The following FERMT3 variants were observed in gnomAD, a reference collection of about 807,000 sequenced individuals.
FERMT3 encodes FERM domain containing kindlin 3, also known as fermitin family homolog 3.
Under a neutral mutation model 80.8 loss-of-function variants are expected in FERMT3, and 33 were observed. That is an observed-to-expected ratio of 0.41 (90% CI 0.31 to 0.55). FERMT3 has a LOEUF of 0.55. FERMT3 is among the 20% of genes least tolerant of loss of function. The pLI is 0.31. For missense variants in FERMT3, 754 were observed against 908.7 expected (o/e 0.83, Z 2.19); for synonymous variants, 375 against 372.2 (o/e 1.01, Z -0.09).
At chr11:64,207,833 T>C (rs1399962899) in intron 2 of FERMT3, 2 of 290,080 alleles carry the variant, frequency 6.9e-6, no homozygotes, top group Non-Finnish European at 6.6e-6. Flanking sequence ...GTCACATTGC[T>C]GAGGTCTGAG....
chr11:64,209,233 A>G (rs1171602850), intron 2 of FERMT3, among the ~76,000 whole-genome samples: 2 of 152,192 alleles, frequency 1.3e-5, no homozygotes, highest in Non-Finnish European at 2.9e-5. Flanking sequence ...AGCCGAGACC[A>G]GGAGTCATGG....
chr11:64,211,149 G>C lies in FERMT3; in HGVS notation c.492G>C (p.Leu164Phe), dbSNP rs997016435. The change falls in exon 4 of 15, where the codon TTG becomes TTC. Residue 164 changes from leucine (L) to phenylalanine (F), a missense_variant. By Grantham distance (22) the Leu-to-Phe change is conservative (BLOSUM62 0). Transcript: ENST00000345728. The surrounding 1 kb of genome is among the most constrained non-coding windows in gnomAD (Gnocchi z 4.7). ...AGCCAGAGGAAGAGCTCTATGACTT[G>C]AGCAAGGTTGTCTTGGCTGGGGGTG... is the stretch of plus-strand genomic sequence containing the variant. ...EKEPEEELYDLSKVVLAGGVA... is the reference protein window; with the variant it reads ...EKEPEEELYDFSKVVLAGGVA... 1.3e-6 allele frequency: 2 copies of C among 1,539,132 alleles called. No homozygotes were observed. Among genetic ancestry groups the C allele is most frequent in the South Asian group, 1.2e-5 (1 of 83,872 alleles).
At position 64,211,803 on chromosome 11, in the gene FERMT3, G is replaced by A. The variant is rs988926452; in HGVS notation, c.786+56G>A. 2 of 1,539,266 alleles carry A rather than the reference G, an allele frequency of 1.3e-6. No homozygotes were observed. Among genetic ancestry groups the A allele is most frequent in the Admixed American group, 1.7e-5 (1 of 59,684 alleles). On this transcript the variant is annotated intron_variant, in intron 6 of 14. Coordinates refer to ENST00000345728, the MANE Select transcript of FERMT3 (RefSeq NM_031471.6). The surrounding 1 kb of genome is among the most constrained non-coding windows in gnomAD (Gnocchi z 4.7). ...AGGTCCATGAGATGTGGAGACCTAG[G>A]GCCTGGGGTATGGGCTCTGGGATGT...
At chr11:64,208,389 G>A (rs1374130412) in intron 2 of FERMT3, among the ~76,000 whole-genome samples, 10 of 152,208 alleles carry the variant, frequency 6.6e-5, no homozygotes, top group African/African-American at 2.4e-4. Flanking sequence ...TGAGGGTAAC[G>A]CAGGAGGCCT....
chr11:64,207,457 G>T lies in FERMT3; in HGVS notation c.93G>T (p.Ser31=). The part of the protein sequence containing the change: ...FVGEEDPEAE[S]VTLRVTGESH... ...GAGAGGAGGACCCAGAGGCCGAGTC[G>T]GTCACCCTGCGGGTCACTGGGGAGT... The change falls in exon 2 of 15, where the codon TCG becomes TCT. Residue 31 remains serine, a synonymous_variant. Coordinates refer to ENST00000345728, the MANE Select transcript of FERMT3 (RefSeq NM_031471.6). 6.2e-7 allele frequency: 1 copy of T among 1,614,092 alleles called. No homozygotes were observed. The highest frequency in any genetic ancestry group is 8.5e-7 in the Non-Finnish European group (1 of 1,180,010).
chr11:64,207,783 TAGGG>T, intron 2 of FERMT3: 1 of 448,016 alleles, frequency 2.2e-6, no homozygotes, highest in Non-Finnish European at 4.0e-6. Context: ...CAGCCACCAA[TAGGG>T]GCAGAAGGAG....
At position 64,220,022 on chromosome 11, in the gene FERMT3, G is replaced by T. The variant is rs1388271763; in HGVS notation, c.1204+7G>T. ...CAGCAGCTCAACCTCAAGGGTAAGT[G>T]CACAGGGCCAGGGGCTGGGTGGGGG... On this transcript the variant is annotated splice_region_variant and intron_variant, in intron 10 of 14. Coordinates refer to ENST00000345728, the MANE Select transcript of FERMT3 (RefSeq NM_031471.6). 6.2e-7 allele frequency: 1 copy of T among 1,613,286 alleles called. No homozygotes were observed. Among genetic ancestry groups the T allele is most frequent in the African/African-American group, 1.3e-5 (1 of 74,934 alleles).
upstream of FERMT3, among the ~76,000 whole-genome samples, chr11:64,206,204 T>C (rs1221750937): frequency 1.3e-5 from 2 of 152,186 alleles, no homozygotes; most frequent in Non-Finnish European, 2.9e-5. Context: ...TCTGAGTTCA[T>C]GAGTTTGAAG....
intron 13 of FERMT3, among the ~76,000 whole-genome samples, chr11:64,221,579 C>T (rs1173570017): frequency 1.3e-5 from 2 of 152,036 alleles, no homozygotes; most frequent in Middle Eastern, 3.4e-3. Context: ...TGCAGTGAGC[C>T]GTGATCACAC....
rs1591027482 is a variant in FERMT3 at position 64,211,142 on chromosome 11, A to G, written c.485A>G (p.Tyr162Cys). The stretch of plus-strand genomic sequence containing the variant: ...GAGAAGGAGCCAGAGGAAGAGCTCT[A>G]TGACTTGAGCAAGGTTGTCTTGGCT... ...KKEKEPEEEL[Y>C]DLSKVVLAGG... Residue 162 changes from tyrosine (Y) to cysteine (C), a missense_variant, in exon 4 of 15, where the codon TAT (tyrosine) becomes TGT (cysteine). Tyr to Cys is a radical substitution (Grantham distance 194). Transcript: ENST00000345728. This position sits in a 1 kb window ranked among gnomAD's most constrained non-coding sequence, Gnocchi z 4.7. The G allele has an allele frequency of 5.6e-6, 8 of 1,441,348 alleles. No homozygotes were observed. Among genetic ancestry groups the G allele is most frequent in the African/African-American group, 3.1e-5 (2 of 64,680 alleles). 89.3% of individuals were successfully genotyped at this position (1,441,348 alleles called of 1,614,324 possible).
Position 64,211,310 on chromosome 11 carries a change from C to G in FERMT3, c.550C>G (p.His184Asp), listed in dbSNP as rs979944117. 1.9e-6 allele frequency: 3 copies of G among 1,613,326 alleles called. No individual in the cohort carries two copies. Among genetic ancestry groups the G allele is most frequent in the Non-Finnish European group, 2.5e-6 (3 of 1,179,858 alleles). The change falls in exon 5 of 15, where the codon CAC becomes GAC. Residue 184 changes from histidine to aspartate, a missense_variant. His to Asp is a moderately conservative substitution (Grantham distance 81). Coordinates refer to ENST00000345728, the MANE Select transcript of FERMT3 (RefSeq NM_031471.6). The surrounding 1 kb of genome is among the most constrained non-coding windows in gnomAD (Gnocchi z 4.7). Reference sequence around the variant, plus strand: ...TGCACTGTTCCGGGGGATGCCAGCTCACTTCTCGGACAGCGCCCAGACTGA... The same window carrying G: ...TGCACTGTTCCGGGGGATGCCAGCTGACTTCTCGGACAGCGCCCAGACTGA... ...APALFRGMPAHFSDSAQTEAC... is the reference protein window; with the variant it reads ...APALFRGMPADFSDSAQTEAC...
At chr11:64,216,197 ATT>A (rs756581025) in intron 6 of FERMT3, among the ~76,000 whole-genome samples, 27 of 128,384 alleles carry the variant, frequency 2.1e-4, no homozygotes, top group Non-Finnish European at 8.4e-5. Context: ...CTCTGTAAGG[ATT>A]TTTTTTTTTT....
intron 2 of FERMT3, among the ~76,000 whole-genome samples, chr11:64,208,771 C>T (rs1190475013): frequency 6.6e-6 from 1 of 152,092 alleles, no homozygotes; most frequent in Admixed American, 6.5e-5. Context: ...TTAGGGCTCT[C>T]GGCTGGTGAG....
In FERMT3 at chr11:64,211,294, C is replaced by G; in HGVS notation, c.534C>G (p.Phe178Leu). The stretch of plus-strand genomic sequence containing the variant: ...CTCCAGGCGTGGCACCTGCACTGTT[C>G]CGGGGGATGCCAGCTCACTTCTCGG... ...VLAGGVAPAL[F>L]RGMPAHFSDS... Residue 178 changes from phenylalanine (F) to leucine (L), a missense_variant, in exon 5 of 15, where the codon TTC (phenylalanine) becomes TTG (leucine). By Grantham distance (22) the Phe-to-Leu change is conservative (BLOSUM62 0). Coordinates refer to ENST00000345728, the MANE Select transcript of FERMT3 (RefSeq NM_031471.6). The surrounding 1 kb of genome is among the most constrained non-coding windows in gnomAD (Gnocchi z 4.7). 6.2e-7 allele frequency: 1 copy of G among 1,613,406 alleles called. No homozygotes were observed. Among genetic ancestry groups the G allele is most frequent in the East Asian group, 2.2e-5 (1 of 44,844 alleles).
rs1946435926 is a variant in FERMT3, at chr11:64,211,448, A to C, written c.683+5A>C. The C allele has an allele frequency of 3.2e-6, 5 of 1,581,624 alleles. No homozygotes were observed. In the South Asian group the frequency reaches 4.6e-5, roughly 14 times the overall value. ...CAAGACCCAGCTCCACAGCAGGTGC[A>C]CCCAGGAGCCACGCCCCCTGTGTCA... is the stretch of plus-strand genomic sequence containing the variant. On this transcript the variant is annotated splice_donor_5th_base_variant and intron_variant, in intron 5 of 14. Coordinates refer to ENST00000345728, the MANE Select transcript of FERMT3 (RefSeq NM_031471.6). The surrounding 1 kb of genome is among the most constrained non-coding windows in gnomAD (Gnocchi z 4.7).
chr11:64,214,539 G>A (rs1187546055), intron 6 of FERMT3, among the ~76,000 whole-genome samples: 1 of 151,400 alleles, frequency 6.6e-6, no homozygotes, highest in Non-Finnish European at 1.5e-5. Flanking sequence ...TAGAGATGGG[G>A]TTTCACCATG....
intron 14 of FERMT3, 38 bp downstream of exon 14, chr11:64,223,227 T>G: frequency 2.5e-6 from 4 of 1,613,300 alleles, no homozygotes; most frequent in Non-Finnish European, 3.4e-6. Flanking sequence ...GGGGGACAGG[T>G]GCAGGCCGGA....
At chr11:64,208,941 C>T (rs914253255) in intron 2 of FERMT3, among the ~76,000 whole-genome samples, 2 of 152,064 alleles carry the variant, frequency 1.3e-5, no homozygotes, top group African/African-American at 2.4e-5. Context: ...AGCAGCAAGG[C>T]GAAAGGCTGG....
intron 2 of FERMT3, among the ~76,000 whole-genome samples, chr11:64,209,189 C>T (rs1946383914): frequency 1.3e-5 from 2 of 152,186 alleles, no homozygotes; most frequent in South Asian, 4.1e-4. Flanking sequence ...GAGAGGGCAC[C>T]TCTGTGCACA....
Sources: gnomAD v4.1 joint callset for allele counts (sites outside exome capture counted in the v4.1 genomes callset) on GRCh38, gnomAD v4.1.1 for gene constraint, Gnocchi (gnomAD v3.1) non-coding constraint, MANE v1.5 for transcripts, NCBI Gene and HGNC (gene_info 2026-07-23, HGNC 2026-07-21) for gene names.